Variants in GPC5 observed in about 807,000 individuals in gnomAD.
GPC5 encodes the protein glypican-5.
A neutral mutation model predicts 53.9 loss-of-function variants in GPC5; 47 were observed. The observed-to-expected ratio is 0.87, with a 90% CI of 0.69 to 1.11. The LOEUF (loss-of-function observed/expected upper bound fraction) is 1.11. Among genes scored for constraint, GPC5 ranks in the 50% most tolerant of loss-of-function variants. The pLI, the probability that GPC5 is intolerant of heterozygous loss-of-function variation, is 0.00. For synonymous variants in GPC5, 286 were observed against 263.3 expected (o/e 1.09, Z -0.84); for missense variants, 748 against 713.1 (o/e 1.05, Z -0.56).
chr13:92,477,453 G>A (rs867133462), intron 7 of GPC5, among the ~76,000 whole-genome samples: 13 of 152,072 alleles, frequency 8.5e-5, no homozygotes, highest in Non-Finnish European at 8.8e-5. Flanking sequence ...TTCCTGTTTG[G>A]CATAATTCTC....
chr13:92,458,209 T>C (rs1878345282), intron 7 of GPC5, among the ~76,000 whole-genome samples: 2 of 151,508 alleles, frequency 1.3e-5, no homozygotes. Flanking sequence ...TATTCTAGTC[T>C]ATATGCTTAA....
intron 6 of GPC5, among the ~76,000 whole-genome samples, chr13:92,134,207 CTT>C (rs1191459618): frequency 2.6e-5 from 4 of 152,078 alleles, no homozygotes; most frequent in Non-Finnish European, 4.4e-5. Flanking sequence ...TTTGTTCTGT[CTT>C]TGATTTTGAA....
intron 2 of GPC5, among the ~76,000 whole-genome samples, chr13:91,574,894 G>A (rs114421946): frequency 5.8e-4 from 89 of 152,234 alleles, no homozygotes; most frequent in African/African-American, 2.0e-3. Context: ...TTGATCGTTA[G>A]AGTTCTGTAG....
intron 7 of GPC5, among the ~76,000 whole-genome samples, chr13:92,369,796 A>G (rs1594139395): frequency 6.6e-6 from 1 of 152,298 alleles, no homozygotes; most frequent in Non-Finnish European, 1.5e-5. Context: ...ACTGGAATTA[A>G]TTTTTATAGT....
rs955981371 is a variant in GPC5, at chr13:91,975,694, A to G, written c.1401+67637A>G. On this transcript the variant is annotated intron_variant, in intron 6 of 7. Transcript: ENST00000377067. ...GGTGGGACTGTAAACTAATTCAACC[A>G]TTGTGGAAGTCAGTGTGGCGATTCC... 6.1e-3 allele frequency among the ~76,000 whole-genome samples: 926 copies of G among 152,292 alleles called. 16 individuals carry two copies. Among genetic ancestry groups the G allele is most frequent in the African/African-American group, 0.021 (893 of 41,558 alleles).
chr13:91,665,354 A>G (rs2035083089), intron 2 of GPC5, among the ~76,000 whole-genome samples: 1 of 152,216 alleles, frequency 6.6e-6, no homozygotes, highest in African/African-American at 2.4e-5. Context: ...AAATATTGCT[A>G]ACTGGAATGA....
chr13:91,702,628 T>C (rs1003101947), intron 3 of GPC5, among the ~76,000 whole-genome samples: 2 of 152,088 alleles, frequency 1.3e-5, no homozygotes, highest in Admixed American at 6.5e-5. Context: ...TGTAGTCTTT[T>C]GTGGTTCCAT....
chr13:91,510,427 C>G (rs1020178895), intron 2 of GPC5, among the ~76,000 whole-genome samples: 1 of 152,178 alleles, frequency 6.6e-6, no homozygotes, highest in Non-Finnish European at 1.5e-5. Flanking sequence ...TGTAACCATG[C>G]TGTCTGGTTC....
At chr13:92,212,691 C>A (rs1344728941) in intron 7 of GPC5, among the ~76,000 whole-genome samples, 1 of 152,166 alleles carries the variant, frequency 6.6e-6, no homozygotes, top group Non-Finnish European at 1.5e-5. Context: ...CACTGAGATA[C>A]TTTGGATCCA....
At chr13:91,756,210 C>T (rs2037288059) in intron 4 of GPC5, 85 bp from the exon 5 acceptor site, 10 of 960,520 alleles carry the variant, frequency 1.0e-5, no homozygotes, top group Non-Finnish European at 1.4e-5. Context: ...ATATCCTAAA[C>T]ATTATGTATA....
At chr13:92,382,937 A>C (rs548232665) in intron 7 of GPC5, among the ~76,000 whole-genome samples, 1 of 142,302 alleles carries the variant, frequency 7.0e-6, no homozygotes, top group South Asian at 2.3e-4. Context: ...CGGGAGGCGG[A>C]GCTTGCAGTG....
At chr13:91,592,133 G>T (rs997895602) in intron 2 of GPC5, among the ~76,000 whole-genome samples, 1 of 152,180 alleles carries the variant, frequency 6.6e-6, no homozygotes, top group African/African-American at 2.4e-5. Flanking sequence ...TTTTTAGATG[G>T]CCAAGACTCT....
intron 7 of GPC5, among the ~76,000 whole-genome samples, chr13:92,526,089 C>G (rs1881271237): frequency 6.6e-6 from 1 of 152,112 alleles, no homozygotes; most frequent in South Asian, 2.1e-4. Context: ...TGACTTCATG[C>G]TCCCCATCAT....
intron 7 of GPC5, among the ~76,000 whole-genome samples, chr13:92,287,374 A>G (rs2042963439): frequency 6.6e-6 from 1 of 152,092 alleles, no homozygotes; most frequent in African/African-American, 2.4e-5. Flanking sequence ...TGTAAGGTCT[A>G]CTTTGCTTAC....
intron 7 of GPC5, among the ~76,000 whole-genome samples, chr13:92,536,837 A>C (rs750489614): frequency 3.9e-5 from 6 of 152,128 alleles, no homozygotes; most frequent in Non-Finnish European, 8.8e-5. Context: ...TGATAGAAAA[A>C]AGAGTCAAAT....
intron 7 of GPC5, among the ~76,000 whole-genome samples, chr13:92,634,932 G>T (rs144892843): frequency 6.6e-6 from 1 of 151,630 alleles, no homozygotes; most frequent in Non-Finnish European, 1.5e-5. Flanking sequence ...GTCAGAAAAA[G>T]ACATTTGCTG....
At chr13:92,019,041 AAG>A (rs990932268) in intron 6 of GPC5, among the ~76,000 whole-genome samples, 4 of 152,014 alleles carry the variant, frequency 2.6e-5, no homozygotes, top group Non-Finnish European at 4.4e-5. Context: ...TTTCTACTGA[AAG>A]AGAATTAAGA....
At chr13:92,164,915 G>T (rs1046313517) in intron 7 of GPC5, among the ~76,000 whole-genome samples, 3 of 152,174 alleles carry the variant, frequency 2.0e-5, no homozygotes, top group Admixed American at 2.0e-4. Context: ...AGCCACCAAG[G>T]CTTGGGGTTC....
intron 7 of GPC5, among the ~76,000 whole-genome samples, chr13:92,413,410 T>C (rs750157695): frequency 3.9e-5 from 6 of 152,196 alleles, no homozygotes; most frequent in Non-Finnish European, 8.8e-5. Context: ...GCACTATAAA[T>C]GGGCATGTTC....
Sources: gnomAD v4.1 joint callset for allele counts (sites outside exome capture counted in the v4.1 genomes callset) on GRCh38, gnomAD v4.1.1 for gene constraint, MANE v1.5 for transcripts, NCBI Gene and HGNC (gene_info 2026-07-23, HGNC 2026-07-21) for gene names.